DLG2: variants seen among roughly 807,000 people sequenced by gnomAD.
The protein encoded by DLG2 is discs large MAGUK scaffold protein 2.
Under a neutral mutation model 132.5 loss-of-function variants are expected in DLG2, and 45 were observed. The ratio of observed to expected loss-of-function variants is 0.34; its 90% CI spans 0.27 to 0.44. DLG2 has a LOEUF of 0.44. DLG2 is among the 20% of genes least tolerant of loss of function. DLG2 has a pLI of 1.00. For synonymous variants in DLG2, 424 were observed against 419.6 expected, an observed-to-expected ratio of 1.01 and a Z score of -0.13; for missense variants, 1,045 against 1,196.9, an observed-to-expected ratio of 0.87 and a Z score of 1.87.
chr11:83,858,598 C>A (rs2060926262), intron 16 of DLG2, among the ~76,000 whole-genome samples: 1 of 152,168 alleles, frequency 6.6e-6, no homozygotes, highest in African/African-American at 2.4e-5. Context: ...ATTATAATAT[C>A]CTTTTTTGCC....
intron 3 of DLG2, among the ~76,000 whole-genome samples, chr11:85,432,463 A>G (rs971769198): frequency 4.6e-5 from 7 of 152,156 alleles, no homozygotes; most frequent in African/African-American, 1.7e-4. Flanking sequence ...GCTACTAACT[A>G]GAATAACCAG....
chr11:85,202,709 G>A (rs1298810746), intron 4 of DLG2, among the ~76,000 whole-genome samples: 1 of 151,936 alleles, frequency 6.6e-6, no homozygotes, highest in Admixed American at 6.6e-5. Flanking sequence ...TTCTGACCAC[G>A]ATGTAACAAA....
intron 7 of DLG2, among the ~76,000 whole-genome samples, chr11:84,255,506 T>C (rs916243652): frequency 2.0e-5 from 3 of 152,052 alleles, no homozygotes; most frequent in African/African-American, 7.2e-5. Context: ...GTATTTTTAG[T>C]AGAGATGCAG....
intron 3 of DLG2, among the ~76,000 whole-genome samples, chr11:85,523,867 G>A (rs538388694): frequency 2.6e-5 from 4 of 151,976 alleles, no homozygotes; most frequent in African/African-American, 7.3e-5. Context: ...AAGAAAATGC[G>A]GTACATATAC....
In DLG2 at chr11:83,706,287, G is replaced by A. The variant is rs368593525; in HGVS notation, c.1826-72962C>T. On this transcript the variant is annotated intron_variant, in intron 18 of 27. Coordinates refer to ENST00000376104, the MANE Select transcript of DLG2 (RefSeq NM_001142699.3). ...AAATTTATTTGACAATGTTTATTAA[G>A]CTCCTATTCTATATCAGGTGTTGTG... Among the ~76,000 whole-genome samples the A allele has an allele frequency of 3.3e-5, 5 of 151,546 alleles. No individual in the cohort carries two copies. In the East Asian group the frequency reaches 7.7e-4, roughly 23 times the overall value.
intron 6 of DLG2, among the ~76,000 whole-genome samples, chr11:84,634,092 G>A (rs1299886048): frequency 6.6e-6 from 1 of 152,120 alleles, no homozygotes; most frequent in Non-Finnish European, 1.5e-5. Context: ...TCTGCAGCTT[G>A]GGCATTAAAA....
intron 17 of DLG2, among the ~76,000 whole-genome samples, chr11:83,798,228 C>A (rs552447212): frequency 6.6e-6 from 1 of 152,322 alleles, no homozygotes; most frequent in African/African-American, 2.4e-5. Context: ...CCCTTACCAG[C>A]TCTATGACTT....
At chr11:83,896,529 A>C (rs771406541) in intron 15 of DLG2, among the ~76,000 whole-genome samples, 1 of 152,260 alleles carries the variant, frequency 6.6e-6, no homozygotes, top group Non-Finnish European at 1.5e-5. Flanking sequence ...AACAAAACAA[A>C]AGGAAGAAAA....
chr11:84,246,483 G>A (rs1019999895), intron 8 of DLG2, among the ~76,000 whole-genome samples: 7 of 152,106 alleles, frequency 4.6e-5, no homozygotes, highest in African/African-American at 1.4e-4. Flanking sequence ...TGACAATTCA[G>A]AAATGCTTAA....
chr11:84,803,658 A>G (rs983025054), intron 6 of DLG2, among the ~76,000 whole-genome samples: 1 of 152,238 alleles, frequency 6.6e-6, no homozygotes, highest in African/African-American at 2.4e-5. Context: ...GAGGATATAA[A>G]TGTGCCTTTA....
chr11:83,514,775 C>G (rs2095223044), intron 21 of DLG2, among the ~76,000 whole-genome samples: 1 of 152,120 alleles, frequency 6.6e-6, no homozygotes, highest in African/African-American at 2.4e-5. Flanking sequence ...TTTTCTGCAT[C>G]TATTGAGACA....
At position 85,265,581 on chromosome 11, in the gene DLG2, G is replaced by A. The variant is rs112855461; in HGVS notation, c.186+19639C>T. ...TCCCTGGTGGAAACCCCACCTTCAA[G>A]CCAAATGTAGCCTGAAACCTGCAGC... On this transcript the variant is annotated intron_variant, in intron 4 of 27. Coordinates refer to ENST00000376104, the MANE Select transcript of DLG2 (RefSeq NM_001142699.3). 1.3e-3 allele frequency among the ~76,000 whole-genome samples: 192 copies of A among 152,308 alleles called. 1 individual carries two copies. Among genetic ancestry groups the A allele is most frequent in the African/African-American group, 4.4e-3 (182 of 41,568 alleles).
At chr11:85,467,869 A>G (rs1415257306) in intron 3 of DLG2, among the ~76,000 whole-genome samples, 1 of 152,218 alleles carries the variant, frequency 6.6e-6, no homozygotes, top group Non-Finnish European at 1.5e-5. Context: ...TCATTGGAAT[A>G]ATTTCAGAAG....
At chr11:85,258,721 G>A (rs896082796) in intron 4 of DLG2, among the ~76,000 whole-genome samples, 3 of 152,138 alleles carry the variant, frequency 2.0e-5, no homozygotes, top group Non-Finnish European at 2.9e-5. Flanking sequence ...TCAAAGGTGT[G>A]ATTATTATGG....
intron 6 of DLG2, among the ~76,000 whole-genome samples, chr11:84,685,848 G>C (rs1336115441): frequency 6.6e-6 from 1 of 152,052 alleles, no homozygotes; most frequent in Non-Finnish European, 1.5e-5. Context: ...TGGGACCACA[G>C]ACTAATTTTT....
intron 7 of DLG2, among the ~76,000 whole-genome samples, chr11:84,363,240 T>A (rs2098661321): frequency 6.6e-6 from 1 of 152,238 alleles, no homozygotes; most frequent in Admixed American, 6.5e-5. Context: ...TGGTTTTGAT[T>A]TGCATTTCTC....
At chr11:85,124,722 T>C (rs779746594) in intron 5 of DLG2, among the ~76,000 whole-genome samples, 6 of 152,244 alleles carry the variant, frequency 3.9e-5, no homozygotes, top group Non-Finnish European at 7.3e-5. Context: ...GAAAATCTTA[T>C]ATTCCAAACA....
intron 3 of DLG2, among the ~76,000 whole-genome samples, chr11:85,444,581 T>TG (rs2091924691): frequency 6.6e-6 from 1 of 152,124 alleles, no homozygotes; most frequent in African/African-American, 2.4e-5. Flanking sequence ...TTGTGGCCAG[T>TG]GGAATATGGA....
chr11:85,348,053 T>C (rs762555170), intron 3 of DLG2, among the ~76,000 whole-genome samples: 12 of 144,958 alleles, frequency 8.3e-5, no homozygotes, highest in Non-Finnish European at 1.5e-4. Flanking sequence ...TGGCACAATC[T>C]TGGCTCACTG....
Sources: gnomAD v4.1 joint callset for allele counts (sites outside exome capture counted in the v4.1 genomes callset) on GRCh38, gnomAD v4.1.1 for gene constraint, MANE v1.5 for transcripts, NCBI Gene and HGNC (gene_info 2026-07-23, HGNC 2026-07-21) for gene names.